Variants in ADAM18 observed in about 807,000 individuals in gnomAD.
ADAM18 encodes the protein ADAM metallopeptidase domain 18.
Under a neutral mutation model 94.4 loss-of-function variants are expected in ADAM18, and 117 were observed. The observed-to-expected ratio is 1.24, with a 90% CI of 1.07 to 1.45. The LOEUF is 1.45. Among genes scored for constraint, ADAM18 ranks in the 40% most tolerant of loss-of-function variants. The pLI is 0.00. For synonymous variants in ADAM18, 327 were observed against 291.6 expected, an observed-to-expected ratio of 1.12 and a Z score of -1.24; for missense variants, 936 against 880.0, an observed-to-expected ratio of 1.06 and a Z score of -0.81.
intron 11 of ADAM18, among the ~76,000 whole-genome samples, chr8:39,646,886 A>G (rs1820394896): frequency 6.6e-6 from 1 of 152,152 alleles, no homozygotes; most frequent in Non-Finnish European, 1.5e-5. Context: ...AAATATTGAA[A>G]GTAGAAGGAG....
At chr8:39,706,468 C>A (rs1396815441) in intron 17 of ADAM18, among the ~76,000 whole-genome samples, 1 of 152,046 alleles carries the variant, frequency 6.6e-6, no homozygotes, top group East Asian at 1.9e-4. Context: ...AAATAACAGT[C>A]ATTTAAAAAA....
intron 10 of ADAM18, among the ~76,000 whole-genome samples, chr8:39,639,930 T>G (rs1820190318): frequency 6.6e-6 from 1 of 152,034 alleles, no homozygotes; most frequent in Admixed American, 6.6e-5. Flanking sequence ...TTTTGCTCAT[T>G]TTGGTAGAAA....
At chr8:39,704,923 G>A (rs1822196478) in intron 17 of ADAM18, among the ~76,000 whole-genome samples, 1 of 152,050 alleles carries the variant, frequency 6.6e-6, no homozygotes, top group Non-Finnish European at 1.5e-5. Context: ...TACTTTCATT[G>A]GAGGGGTGGG....
At chr8:39,680,319 T>C in intron 16 of ADAM18, 93 bp downstream of exon 16, 3 of 1,200,418 alleles carry the variant, frequency 2.5e-6, no homozygotes, top group Non-Finnish European at 3.4e-6. Flanking sequence ...TTATATTGAA[T>C]GGATTTAAAC....
At position 39,663,831 on chromosome 8, in the gene ADAM18, T is replaced by C. The variant is rs762598167; in HGVS notation, c.1267T>C (p.Cys423Arg). The part of the protein sequence containing the change: ...QFKKCCDYNT[C>R]KLKGSVKCGS... ...TAAGAAGTGCTGTGATTATAACACA[T>C]GTAAACTGAAGGGCTCAGTAAAATG... The change falls in exon 13 of 20, where the codon TGT becomes CGT. Residue 423 changes from cysteine to arginine, a missense_variant. Cys to Arg is a radical substitution (Grantham distance 180). Transcript: ENST00000265707. 6.2e-6 allele frequency: 10 copies of C among 1,612,780 alleles called. No individual in the cohort carries two copies. The South Asian group carries it at 8.8e-5, about 14-fold the overall frequency.
intron 6 of ADAM18, among the ~76,000 whole-genome samples, chr8:39,615,539 A>G (rs1407374130): frequency 6.6e-6 from 1 of 152,206 alleles, no homozygotes; most frequent in Non-Finnish European, 1.5e-5. Context: ...AGAACCCTTA[A>G]CAAACTAGGT....
chr8:39,698,946 A>G (rs1303840342), intron 17 of ADAM18, among the ~76,000 whole-genome samples: 1 of 152,096 alleles, frequency 6.6e-6, no homozygotes, highest in Non-Finnish European at 1.5e-5. Context: ...AAATTTTTGA[A>G]TTAGATTTTA....
At chr8:39,692,017 C>T (rs1263545958) in intron 16 of ADAM18, among the ~76,000 whole-genome samples, 2 of 151,526 alleles carry the variant, frequency 1.3e-5, no homozygotes, top group African/African-American at 2.4e-5. Context: ...CTTGCAAAGT[C>T]AGAAAAAAAT....
At chr8:39,654,861 T>A (rs538120445) in intron 12 of ADAM18, among the ~76,000 whole-genome samples, 1 of 152,080 alleles carries the variant, frequency 6.6e-6, no homozygotes, top group African/African-American at 2.4e-5. Flanking sequence ...TGCAGGGGAT[T>A]TTTGTCCATT....
rs1443274583 is a variant in ADAM18 at position 39,692,678 on chromosome 8, G to A, written c.1900G>A (p.Gly634Arg). The part of the protein sequence containing the change: ...CNATTKCKGK[G>R]ICNNFGNCQC... ...TGCCACCACAAAATGCAAAGGGAAA[G>A]GGGTAAGTCACTTTTGTATCTGAAT... is the stretch of plus-strand genomic sequence containing the variant. Residue 634 changes from glycine (G) to arginine (R), a missense_variant and splice_region_variant, in exon 17 of 20, where the codon GGG becomes AGG. Coordinates refer to ENST00000265707, the MANE Select transcript of ADAM18 (RefSeq NM_014237.3). 6.3e-7 allele frequency: 1 copy of A among 1,595,696 alleles called. No individual in the cohort carries two copies. Among genetic ancestry groups the A allele is most frequent in the Non-Finnish European group, 8.6e-7 (1 of 1,169,266 alleles).
chr8:39,637,073 A>C (rs1250583723), intron 7 of ADAM18, among the ~76,000 whole-genome samples, 191 bp from the exon 8 acceptor site: 1 of 141,126 alleles, frequency 7.1e-6, no homozygotes, highest in African/African-American at 2.6e-5. Flanking sequence ...ATATGTATAT[A>C]CATAATATAT....
intron 16 of ADAM18, among the ~76,000 whole-genome samples, chr8:39,687,223 A>C (rs150377602): frequency 6.6e-6 from 1 of 152,216 alleles, no homozygotes; most frequent in Non-Finnish European, 1.5e-5. Flanking sequence ...AAATATGTCT[A>C]TGCAATATTC....
At position 39,625,696 on chromosome 8, in the gene ADAM18, T is replaced by C. The variant is rs547908051; in HGVS notation, c.523-3678T>C. Among the ~76,000 whole-genome samples, 4 of 152,314 alleles carry C rather than the reference T, an allele frequency of 2.6e-5. No individual in the cohort carries two copies. In the East Asian group the frequency reaches 7.7e-4, roughly 29 times the overall value. On this transcript the variant is annotated intron_variant, in intron 6 of 19. Coordinates refer to ENST00000265707, the MANE Select transcript of ADAM18 (RefSeq NM_014237.3). ...TTTGTCATATATAGCTTTTATTATT[T>C]TCAGGTATGTTCCTTCTGTGCCTAG...
chr8:39,696,758 T>G (rs1821937857), intron 17 of ADAM18, among the ~76,000 whole-genome samples: 1 of 151,554 alleles, frequency 6.6e-6, no homozygotes, highest in African/African-American at 2.4e-5. Context: ...ATTGTTTTCA[T>G]TATTGTGGCT....
intron 10 of ADAM18, among the ~76,000 whole-genome samples, chr8:39,641,285 G>T (rs1465045225): frequency 3.3e-5 from 5 of 151,742 alleles, no homozygotes; most frequent in Non-Finnish European, 7.4e-5. Context: ...GCTTGTTTTT[G>T]TTCGATCAGA....
chr8:39,669,566 T>C (rs1349929062), intron 14 of ADAM18, among the ~76,000 whole-genome samples: 1 of 150,066 alleles, frequency 6.7e-6, no homozygotes, highest in East Asian at 2.0e-4. Context: ...CATGTGGTGT[T>C]TGGTTTTTTG....
At chr8:39,605,118 C>A (rs977236763) in intron 2 of ADAM18, among the ~76,000 whole-genome samples, 4 of 152,172 alleles carry the variant, frequency 2.6e-5, no homozygotes, top group Admixed American at 2.6e-4. Flanking sequence ...GCTCCTTTTT[C>A]TTTCTGCCAT....
chr8:39,655,018 T>C (rs1372123354), intron 12 of ADAM18, among the ~76,000 whole-genome samples: 1 of 152,208 alleles, frequency 6.6e-6, no homozygotes, highest in African/African-American at 2.4e-5. Flanking sequence ...TTTCATTTGC[T>C]GTACAGAAGC....
intron 17 of ADAM18, among the ~76,000 whole-genome samples, chr8:39,702,471 G>T (rs564871642): frequency 6.6e-6 from 1 of 152,048 alleles, no homozygotes; most frequent in Non-Finnish European, 1.5e-5. Context: ...TTCTTTTGCT[G>T]TATGGAAGCT....
Sources: gnomAD v4.1 joint callset for allele counts (sites outside exome capture counted in the v4.1 genomes callset) on GRCh38, gnomAD v4.1.1 for gene constraint, MANE v1.5 for transcripts, NCBI Gene and HGNC (gene_info 2026-07-23, HGNC 2026-07-21) for gene names.